The following TFEB variants were observed in gnomAD, a reference collection of about 807,000 sequenced individuals.
TFEB encodes T-cell transcription factor EB.
A neutral mutation model predicts 48.0 loss-of-function variants in TFEB; 12 were observed. The observed-to-expected ratio is 0.25, with a 90% CI of 0.16 to 0.40. The LOEUF is 0.40. Among genes scored for constraint, TFEB ranks in the 10% least tolerant of loss-of-function variants. The pLI is 1.00. For synonymous variants in TFEB, 244 were observed against 261.4 expected, an observed-to-expected ratio of 0.93 and a Z score of 0.64; for missense variants, 509 against 640.3, an observed-to-expected ratio of 0.79 and a Z score of 2.21.
intron 1 of TFEB, among the ~76,000 whole-genome samples, chr6:41,707,489 C>G (rs1770288814): frequency 6.6e-6 from 1 of 152,202 alleles, no homozygotes; most frequent in African/African-American, 2.4e-5. Context: ...AGGACCACGT[C>G]TCCAGGGGAA....
chr6:41,694,845 G>GGAGA (rs1219106467), intron 1 of TFEB, among the ~76,000 whole-genome samples: 1 of 151,928 alleles, frequency 6.6e-6, no homozygotes, highest in East Asian at 1.9e-4. Flanking sequence ...GCACTTCCCT[G>GGAGA]GAGAGCCTTC....
chr6:41,733,718 T>C, intron 1 of TFEB: 34 of 985,518 alleles, frequency 3.4e-5, no homozygotes, highest in Non-Finnish European at 4.1e-5. Context: ...TTCCTCTGCC[T>C]CTGCCTCTCC....
At position 41,730,097 on chromosome 6, in the gene TFEB, G is replaced by A. The variant is rs1771388531; in HGVS notation, c.-23+5253C>T. ...CCCAAATTTGAGAACCACTGCCCTAGAGAAAGGGCATTGGAATCATCCCAG... is the reference window on the plus strand; with the variant it reads ...CCCAAATTTGAGAACCACTGCCCTAAAGAAAGGGCATTGGAATCATCCCAG... On this transcript the variant is annotated intron_variant, in intron 1 of 8. Coordinates refer to ENST00000373033, the MANE Select transcript of TFEB (RefSeq NM_001271944.2). The surrounding 1 kb of genome is among the most constrained non-coding windows in gnomAD (Gnocchi z 4.1). Among the ~76,000 whole-genome samples, 1 of 150,774 alleles carries A rather than the reference G, an allele frequency of 6.6e-6. No individual in the cohort carries two copies. The highest frequency in any genetic ancestry group is 2.4e-5 in the African/African-American group (1 of 40,984).
chr6:41,735,623 G>A, upstream of TFEB: 1 of 950,792 alleles, frequency 1.1e-6, no homozygotes, highest in Non-Finnish European at 1.3e-6. Context: ...ACTTCCCTCC[G>A]CGCCCGGCAG....
intron 1 of TFEB, among the ~76,000 whole-genome samples, chr6:41,707,778 T>C (rs575202448): frequency 1.6e-4 from 25 of 152,284 alleles, no homozygotes; most frequent in Admixed American, 4.6e-4. Context: ...CCCACCAAAA[T>C]GTCCCTGAAT....
chr6:41,718,313 A>G (rs1770824896), intron 1 of TFEB, among the ~76,000 whole-genome samples: 1 of 152,014 alleles, frequency 6.6e-6, no homozygotes, highest in African/African-American at 2.4e-5. Flanking sequence ...GGCTCAATTG[A>G]TCGTCCCACC....
chr6:41,687,615 AG>A (rs1460666235), intron 6 of TFEB, 137 bp downstream of exon 6: 1 of 1,051,696 alleles, frequency 9.5e-7, no homozygotes, highest in Non-Finnish European at 1.4e-6. Flanking sequence ...CAGCAATGGG[AG>A]GGCTTAAGCC....
upstream of TFEB, chr6:41,736,213 G>T: frequency 6.2e-7 from 1 of 1,612,168 alleles, no homozygotes; most frequent in South Asian, 1.1e-5. Context: ...ACCTTCCCTT[G>T]TTGGAAGTTC....
At chr6:41,700,587 T>C (rs986039464) in intron 1 of TFEB, among the ~76,000 whole-genome samples, 1 of 152,090 alleles carries the variant, frequency 6.6e-6, no homozygotes, top group Non-Finnish European at 1.5e-5. Flanking sequence ...CAGGATGCGT[T>C]CTGCACCGCC....
chr6:41,735,146 G>T, intron 1 of TFEB: 3 of 952,584 alleles, frequency 3.1e-6, no homozygotes, highest in Non-Finnish European at 3.7e-6. Context: ...CCGGCTCGGC[G>T]GGCAGCGCCG....
chr6:41,686,634 G>T (rs990568622), intron 7 of TFEB: 1 of 225,350 alleles, frequency 4.4e-6, no homozygotes, highest in Non-Finnish European at 8.8e-6. Context: ...TCCTGTCTCA[G>T]CCTCCCTAGT....
Position 41,730,388 on chromosome 6 carries a change from A to T in TFEB, c.-23+4962T>A, listed in dbSNP as rs1447483161. 1.3e-5 allele frequency among the ~76,000 whole-genome samples: 2 copies of T among 152,204 alleles called. No individual in the cohort carries two copies. Among genetic ancestry groups the T allele is most frequent in the Non-Finnish European group, 2.9e-5 (2 of 68,042 alleles). ...GTGGAATCCCTGGATTAATCCCTAC[A>T]GCACCGCATCTTACTCTGGGACCAC... On this transcript the variant is annotated intron_variant, in intron 1 of 8. Transcript: ENST00000373033. This position sits in a 1 kb window ranked among gnomAD's most constrained non-coding sequence, Gnocchi z 4.1.
intron 1 of TFEB, chr6:41,705,937 C>T (rs1475323808): frequency 6.6e-6 from 1 of 152,420 alleles, no homozygotes; most frequent in African/African-American, 2.4e-5. Context: ...CGTCAGCTCA[C>T]ACCCCTGGGA....
chr6:41,700,606 A>AC (rs1769866465), intron 1 of TFEB, among the ~76,000 whole-genome samples: 1 of 151,962 alleles, frequency 6.6e-6, no homozygotes, highest in Non-Finnish European at 1.5e-5. Context: ...CCTCTCCCAG[A>AC]CCCCCTGCAG....
intron 1 of TFEB, among the ~76,000 whole-genome samples, chr6:41,694,235 C>A (rs879645899): frequency 2.0e-5 from 3 of 152,206 alleles, no homozygotes; most frequent in Non-Finnish European, 4.4e-5. Flanking sequence ...GTTCTCTCAT[C>A]TGCACAATGG....
upstream of TFEB, chr6:41,735,620 T>G: frequency 1.1e-6 from 1 of 949,352 alleles, no homozygotes; most frequent in Non-Finnish European, 1.3e-6. Context: ...CACACTTCCC[T>G]CCGCGCCCGG....
chr6:41,693,786 C>T (rs1769429818), intron 1 of TFEB, among the ~76,000 whole-genome samples: 1 of 152,150 alleles, frequency 6.6e-6, no homozygotes, highest in Admixed American at 6.5e-5. Context: ...CCCACCACTC[C>T]CTTCCCATCC....
rs1240931901 is a variant in TFEB, at chr6:41,684,657, G to T, written c.1373C>A (p.Ala458Asp). The T allele has an allele frequency of 1.2e-6, 2 of 1,611,966 alleles. No individual in the cohort carries two copies. The highest frequency in any genetic ancestry group is 1.7e-6 in the Non-Finnish European group (2 of 1,179,222). The change falls in exon 9 of 9, where the codon GCC (alanine) becomes GAC (aspartate). Residue 458 changes from alanine (A) to aspartate (D), a missense_variant. Transcript: ENST00000373033. ...GCTCCGGCGGCTGCTGGCCTTGGAG[G>T]CCTCGGGGGACATGGTGGACAGAAG... ...DPLLSTMSPE[A>D]SKASSRRSSF...
intron 1 of TFEB, among the ~76,000 whole-genome samples, chr6:41,701,687 G>A (rs1397466646): frequency 6.6e-6 from 1 of 152,208 alleles, no homozygotes; most frequent in Admixed American, 6.5e-5. Flanking sequence ...GCTCATGCCT[G>A]TAATCCCAGC....
Sources: allele counts gnomAD v4.1 joint callset (sites outside exome capture counted in the v4.1 genomes callset), GRCh38; gene constraint gnomAD v4.1.1; non-coding constraint Gnocchi (gnomAD v3.1); transcripts MANE v1.5; gene names NCBI Gene and HGNC (gene_info 2026-07-23, HGNC 2026-07-21).